NUSAP1: variants seen among roughly 807,000 people sequenced by gnomAD.
NUSAP1 encodes nucleolar and spindle-associated protein 1.
A neutral mutation model predicts 52.8 loss-of-function variants in NUSAP1; 32 were observed. That is an observed-to-expected ratio of 0.61 (90% CI 0.46 to 0.81). The LOEUF is 0.81. Ranked by LOEUF, NUSAP1 falls within the 40% of genes least tolerant of loss-of-function variation. The pLI is 0.00. For missense variants in NUSAP1, 499 were observed against 522.3 expected, an observed-to-expected ratio of 0.96 and a Z score of 0.43; for synonymous variants, 195 against 183.1, an observed-to-expected ratio of 1.06 and a Z score of -0.52.
At position 41,351,102 on chromosome 15, in the gene NUSAP1, C is replaced by A. The variant is rs2048761900; in HGVS notation, c.421C>A (p.Gln141Lys). ...AGTTCCTTCTCCACCAGACGAGCACCAAGAAGCTGAGAATGCTGTTTCCTC... is the reference window on the plus strand; with the variant it reads ...AGTTCCTTCTCCACCAGACGAGCACAAAGAAGCTGAGAATGCTGTTTCCTC... ...AKVPSPPDEHQEAENAVSSGN... is the reference protein window; with the variant it reads ...AKVPSPPDEHKEAENAVSSGN... The change falls in exon 4 of 11, where the codon CAA becomes AAA. Residue 141 changes from glutamine to lysine, a missense_variant. By Grantham distance (53) the Gln-to-Lys change is moderately conservative. Transcript: ENST00000559596. 3 of 1,612,944 alleles carry A rather than the reference C, an allele frequency of 1.9e-6. No homozygotes were observed. Among genetic ancestry groups the A allele is most frequent in the Admixed American group, 3.3e-5 (2 of 59,758 alleles).
Position 41,341,116 on chromosome 15 carries a change from G to A in NUSAP1, c.94-1270G>A, listed in dbSNP as rs190260466. 3.7e-3 allele frequency among the ~76,000 whole-genome samples: 567 copies of A among 152,290 alleles called. 2 individuals carry two copies. Among genetic ancestry groups the A allele is most frequent in the South Asian group, 6.0e-3 (29 of 4,824 alleles). ...CTTGCTCTATCGCCCAGACTAGAGT[G>A]CAGTGGCATCATCTCCTCGGCTCAC... On this transcript the variant is annotated intron_variant, in intron 1 of 10. Transcript: ENST00000559596.
In NUSAP1 at chr15:41,377,215, G is replaced by T; in HGVS notation, c.1143G>T (p.Gly381=). ...EPHKGKLKPW[G]QSKENNYLNQ... is the part of the protein sequence containing the mutation. ...AACTAGGAAAGCTAAAACCATGGGG[G>T]CAATCTAAAGAAAATAATTATCTAA... The change falls in exon 10 of 11, where the codon GGG becomes GGT. Residue 381 remains glycine (G), a synonymous_variant. Transcript: ENST00000559596. 1 of 1,518,942 alleles carries T rather than the reference G, an allele frequency of 6.6e-7. No individual in the cohort carries two copies. Among genetic ancestry groups the T allele is most frequent in the Non-Finnish European group, 8.9e-7 (1 of 1,126,668 alleles). The allele number at this position is 1,518,942 out of a possible 1,614,324, so 94.1% of individuals were successfully genotyped here. A position where few individuals can be genotyped will look rare whatever the true frequency, so the allele number is the denominator to read the frequency against.
chr15:41,378,947 T>TTGTTTTTTTTTTTG lies in NUSAP1; in HGVS notation c.1233-1145_1233-1144insGTTTTTTTTTTTGT, dbSNP rs1566813582. 3.6e-4 allele frequency among the ~76,000 whole-genome samples: 34 copies of TTGTTTTTTTTTTTG among 95,546 alleles called. 2 individuals carry two copies. Among genetic ancestry groups the TTGTTTTTTTTTTTG allele is most frequent in the African/African-American group, 1.5e-3 (34 of 22,346 alleles). The allele number at this position is 95,546 out of a possible 152,430, so 62.7% of individuals were successfully genotyped here. A position where few individuals can be genotyped will look rare whatever the true frequency, so the allele number is the denominator to read the frequency against. On this transcript the variant is annotated intron_variant, in intron 10 of 10. Transcript: ENST00000559596. ...AAGATTATATTAACTTATCTTGGTT[T>TTGTTTTTTTTTTTG]TTTTTTTTTTTTTTTTTTTTTTTTG...
intron 1 of NUSAP1, among the ~76,000 whole-genome samples, chr15:41,337,924 CTTTTTTCTTTTTTTTTTTT>C (rs2048220014): frequency 7.4e-6 from 1 of 135,928 alleles, no homozygotes; most frequent in Non-Finnish European, 1.6e-5. Context: ...TTTTTCTTTT[CTTTTTTCTTTTTTTTTTTT>C]TTTTTTTGAG....
At chr15:41,339,495 C>T (rs1341698411) in intron 1 of NUSAP1, among the ~76,000 whole-genome samples, 1 of 151,418 alleles carries the variant, frequency 6.6e-6, no homozygotes, top group Non-Finnish European at 1.5e-5. Flanking sequence ...ACTGCAACCT[C>T]CACCTCCTGG....
intron 6 of NUSAP1, among the ~76,000 whole-genome samples, chr15:41,362,350 AATT>A (rs1196484531): frequency 1.3e-5 from 2 of 150,914 alleles, no homozygotes; most frequent in Admixed American, 6.6e-5. Context: ...GCTTTTTCTC[AATT>A]ATTATTCTTA....
intron 4 of NUSAP1, among the ~76,000 whole-genome samples, chr15:41,353,504 C>G (rs1367510656): frequency 2.0e-5 from 3 of 152,150 alleles, no homozygotes; most frequent in Admixed American, 1.3e-4. Flanking sequence ...TAAGCAGAAG[C>G]CCCTGCGACC....
intron 9 of NUSAP1, among the ~76,000 whole-genome samples, chr15:41,376,482 T>C (rs2049940527): frequency 6.8e-6 from 1 of 147,784 alleles, no homozygotes; most frequent in South Asian, 2.2e-4. Flanking sequence ...GTTCAGGAGA[T>C]CGAGACCATC....
intron 1 of NUSAP1, among the ~76,000 whole-genome samples, chr15:41,337,355 C>G (rs1201226830): frequency 6.6e-6 from 1 of 152,164 alleles, no homozygotes; most frequent in African/African-American, 2.4e-5. Flanking sequence ...GCATCTACAT[C>G]CACATACTCT....
intron 2 of NUSAP1, among the ~76,000 whole-genome samples, chr15:41,346,578 C>T (rs1303623794): frequency 6.6e-6 from 1 of 151,904 alleles, no homozygotes; most frequent in East Asian, 1.9e-4. Flanking sequence ...CCTGTAATCC[C>T]AGCACTTTGG....
chr15:41,362,349 C>T (rs2049207938), intron 6 of NUSAP1, among the ~76,000 whole-genome samples: 1 of 150,202 alleles, frequency 6.7e-6, no homozygotes, highest in African/African-American at 2.4e-5. Flanking sequence ...TGCTTTTTCT[C>T]AATTATTATT....
chr15:41,373,473 G>A (rs1342974244), intron 8 of NUSAP1, among the ~76,000 whole-genome samples: 87 of 131,198 alleles, frequency 6.6e-4, no homozygotes, highest in African/African-American at 8.6e-4. Context: ...TTTTTGAGAC[G>A]GAGTCTCACT....
At chr15:41,346,518 A>G (rs1216303205) in intron 2 of NUSAP1, among the ~76,000 whole-genome samples, 4 of 151,794 alleles carry the variant, frequency 2.6e-5, no homozygotes, top group Admixed American at 6.6e-5. Flanking sequence ...TATGTTGCCT[A>G]GGCTGGGGAA....
At chr15:41,337,933 T>TC (rs2048222388) in intron 1 of NUSAP1, among the ~76,000 whole-genome samples, 1 of 79,280 alleles carries the variant, frequency 1.3e-5, no homozygotes, top group South Asian at 3.6e-4. Flanking sequence ...TCTTTTTTCT[T>TC]TTTTTTTTTT....
intron 1 of NUSAP1, among the ~76,000 whole-genome samples, chr15:41,339,246 G>A (rs2048284740): frequency 6.6e-6 from 1 of 152,108 alleles, no homozygotes; most frequent in African/African-American, 2.4e-5. Context: ...TTTAGGAGAT[G>A]TGGCTGATAT....
chr15:41,346,353 C>G (rs1366317245), intron 2 of NUSAP1, among the ~76,000 whole-genome samples: 1 of 151,636 alleles, frequency 6.6e-6, no homozygotes, highest in East Asian at 1.9e-4. Flanking sequence ...ACTCTATCAC[C>G]CAGGCTGGAG....
At chr15:41,373,448 C>CTTTTTTT (rs763340655) in intron 8 of NUSAP1, among the ~76,000 whole-genome samples, 5 of 117,296 alleles carry the variant, frequency 4.3e-5, no homozygotes, top group Non-Finnish European at 5.2e-5. Context: ...AATTCATATT[C>CTTTTTTT]TTTTTTTTTT....
At chr15:41,337,526 A>G (rs1034134797) in intron 1 of NUSAP1, among the ~76,000 whole-genome samples, 3 of 152,152 alleles carry the variant, frequency 2.0e-5, no homozygotes, top group Admixed American at 1.3e-4. Context: ...ATGTTTTACT[A>G]TCACCCATCT....
chr15:41,350,648 T>A (rs1307892222), intron 3 of NUSAP1, among the ~76,000 whole-genome samples: 1 of 152,180 alleles, frequency 6.6e-6, no homozygotes, highest in Non-Finnish European at 1.5e-5. Flanking sequence ...TAGTTTTTAC[T>A]TTTCTTGGAG....
Sources: allele counts gnomAD v4.1 joint callset (sites outside exome capture counted in the v4.1 genomes callset), GRCh38; gene constraint gnomAD v4.1.1; transcripts MANE v1.5; gene names NCBI Gene and HGNC (gene_info 2026-07-23, HGNC 2026-07-21).